Variants in GALNT13 observed in about 807,000 individuals in gnomAD.
GALNT13 encodes the protein UDP-GalNAc:polypeptide N-acetylgalactosaminyltransferase 13.
In GALNT13, 28 loss-of-function variants were observed where a neutral mutation model predicts 64.2. The ratio of observed to expected loss-of-function variants is 0.44; its 90% CI spans 0.32 to 0.60. The LOEUF is 0.60. GALNT13 is among the 20% of genes least tolerant of loss of function. The pLI, the probability that GALNT13 is intolerant of heterozygous loss-of-function variation, is 0.05. For synonymous variants in GALNT13, 214 were observed against 224.6 expected (o/e 0.95, Z 0.42); for missense variants, 577 against 669.8 (o/e 0.86, Z 1.53).
chr2:153,129,182 T>G, the GALNT13 span, among the ~76,000 whole-genome samples: 1 of 152,170 alleles, frequency 6.6e-6, no homozygotes, highest in Non-Finnish European at 1.5e-5. Flanking sequence ...AATTTTCAAA[T>G]AGCAGTTCTA....
chr2:153,662,180 A>G, the GALNT13 span, among the ~76,000 whole-genome samples: 975 of 152,242 alleles, frequency 6.4e-3, 9 homozygotes, highest in African/African-American at 0.022. Context: ...GGGGCATCCC[A>G]CACCAAAAGA....
the GALNT13 span, among the ~76,000 whole-genome samples, chr2:153,654,501 C>CACATTTTT: frequency 6.6e-6 from 1 of 151,858 alleles, no homozygotes; most frequent in Admixed American, 6.6e-5. Context: ...TACAAAAATC[C>CACATTTTT]ACATTTTTAA....
chr2:153,267,816 T>C, the GALNT13 span, among the ~76,000 whole-genome samples: 1 of 152,226 alleles, frequency 6.6e-6, no homozygotes, highest in African/African-American at 2.4e-5. Context: ...TTCTTTTGTA[T>C]TGCATCATCA....
intron 4 of GALNT13, among the ~76,000 whole-genome samples, chr2:154,228,756 G>T (rs1231504603): frequency 6.6e-6 from 1 of 152,132 alleles, no homozygotes; most frequent in Admixed American, 6.6e-5. Flanking sequence ...CAAGCATGAT[G>T]AATGAGGGGT....
At chr2:153,353,169 AT>A in the GALNT13 span, among the ~76,000 whole-genome samples, 1 of 151,946 alleles carries the variant, frequency 6.6e-6, no homozygotes, top group African/African-American at 2.4e-5. Flanking sequence ...TATAGATCAT[AT>A]TCATATTTCA....
the GALNT13 span, among the ~76,000 whole-genome samples, chr2:153,185,230 T>C: frequency 6.6e-6 from 1 of 152,204 alleles, no homozygotes; most frequent in Admixed American, 6.5e-5. Flanking sequence ...TTCTTCTAGA[T>C]TTTCTAGCTC....
chr2:154,084,089 A>G (rs1407556690), intron 3 of GALNT13, among the ~76,000 whole-genome samples: 1 of 151,924 alleles, frequency 6.6e-6, no homozygotes, highest in African/African-American at 2.4e-5. Flanking sequence ...TGGAGAAGAG[A>G]TGCAGTTTAA....
the GALNT13 span, among the ~76,000 whole-genome samples, chr2:153,762,932 A>G: frequency 6.6e-6 from 1 of 151,740 alleles, no homozygotes; most frequent in Non-Finnish European, 1.5e-5. Flanking sequence ...TTGTTATAAG[A>G]CTTGCATAAA....
intron 8 of GALNT13, among the ~76,000 whole-genome samples, chr2:154,265,947 G>A (rs1690971678): frequency 6.6e-6 from 1 of 152,132 alleles, no homozygotes; most frequent in Non-Finnish European, 1.5e-5. Context: ...AGAAATGCAA[G>A]GTTGGTTTAG....
At chr2:153,735,955 T>C in the GALNT13 span, among the ~76,000 whole-genome samples, 1 of 152,232 alleles carries the variant, frequency 6.6e-6, no homozygotes, top group East Asian at 1.9e-4. Context: ...TGTAAGATTA[T>C]TCTTTCCCTC....
intron 3 of GALNT13, among the ~76,000 whole-genome samples, chr2:154,076,463 G>A (rs1011602716): frequency 2.0e-5 from 3 of 151,684 alleles, no homozygotes; most frequent in Non-Finnish European, 4.4e-5. Flanking sequence ...CAGAGAGTTT[G>A]AGTAACTTAC....
chr2:153,560,584 A>T, the GALNT13 span, among the ~76,000 whole-genome samples: 2 of 152,078 alleles, frequency 1.3e-5, no homozygotes, highest in Non-Finnish European at 1.5e-5. Context: ...AATTTATTAA[A>T]GATTTATTTC....
At chr2:154,153,788 C>T (rs1023638955) in intron 4 of GALNT13, among the ~76,000 whole-genome samples, 7 of 152,340 alleles carry the variant, frequency 4.6e-5, no homozygotes, top group East Asian at 1.9e-4. Context: ...ATTGGAAAAG[C>T]GCAGTATTAG....
At chr2:153,259,354 A>G in the GALNT13 span, among the ~76,000 whole-genome samples, 1 of 151,468 alleles carries the variant, frequency 6.6e-6, no homozygotes. Context: ...ACAGATCATT[A>G]GGTCTTGTAT....
the GALNT13 span, among the ~76,000 whole-genome samples, chr2:153,395,744 G>A: frequency 1.3e-5 from 2 of 152,218 alleles, no homozygotes; most frequent in South Asian, 4.1e-4. Context: ...AGGATCAGGT[G>A]ATGAATATTT....
chr2:153,780,270 T>TATATATATATATATG, the GALNT13 span, among the ~76,000 whole-genome samples: 1 of 146,606 alleles, frequency 6.8e-6, no homozygotes, highest in East Asian at 2.1e-4. Flanking sequence ...CATATATATA[T>TATATATATATATATG]CAGAAGCTAT....
the GALNT13 span, among the ~76,000 whole-genome samples, chr2:153,435,389 GA>G: frequency 2.6e-5 from 4 of 152,140 alleles, no homozygotes; most frequent in Admixed American, 2.6e-4. Flanking sequence ...GCTTGATGGG[GA>G]TGGCATTGAA....
chr2:153,070,343 C>G, the GALNT13 span, among the ~76,000 whole-genome samples: 1 of 152,132 alleles, frequency 6.6e-6, no homozygotes. Flanking sequence ...TTAAGTAGAG[C>G]ATCAGGCATT....
the GALNT13 span, among the ~76,000 whole-genome samples, chr2:153,735,304 GTATA>G: frequency 6.6e-6 from 1 of 151,952 alleles, no homozygotes; most frequent in South Asian, 2.1e-4. Context: ...TCAGCAGAGA[GTATA>G]TACTTTTCCC....
Sources: allele counts gnomAD v4.1 joint callset (sites outside exome capture counted in the v4.1 genomes callset), GRCh38; gene constraint gnomAD v4.1.1; transcripts MANE v1.5; gene names NCBI Gene and HGNC (gene_info 2026-07-23, HGNC 2026-07-21).